N4BP3: variants seen among roughly 807,000 people sequenced by gnomAD.
N4BP3 encodes NEDD4-binding protein 3.
Under a neutral mutation model 43.8 loss-of-function variants are expected in N4BP3, and 33 were observed. That is an observed-to-expected ratio of 0.75 (90% CI 0.57 to 1.01). N4BP3 has a LOEUF of 1.01. Among genes scored for constraint, N4BP3 ranks in the 50% least tolerant of loss-of-function variants. N4BP3 has a pLI of 0.00. For missense variants in N4BP3, 756 were observed against 744.2 expected (o/e 1.02, Z -0.18); for synonymous variants, 326 against 321.9 (o/e 1.01, Z -0.14).
At chr5:178,116,370 C>A (rs1216107842) in intron 1 of N4BP3, among the ~76,000 whole-genome samples, 1 of 97,574 alleles carries the variant, frequency 1.0e-5, no homozygotes, top group Non-Finnish European at 2.1e-5. Flanking sequence ...CCCCGCCCTG[C>A]TGGGGGAGCT....
Position 178,121,217 on chromosome 5 carries a change from T to C in N4BP3, c.972T>C (p.Phe324=), listed in dbSNP as rs762481668. Residue 324 remains phenylalanine, a synonymous_variant, in exon 4 of 5, where the codon TTT becomes TTC. Transcript: ENST00000274605. ...AGCGCAACCTCCAGCTGCAGCTGTT[T>C]ATGGCTCAGCAGGAGCAGCGGCGCC... is the stretch of plus-strand genomic sequence containing the variant. ...RSERNLQLQL[F]MAQQEQRRLR... is the part of the protein sequence containing the mutation. 9.4e-6 allele frequency: 15 copies of C among 1,603,502 alleles called. No individual in the cohort carries two copies. Among genetic ancestry groups the C allele is most frequent in the African/African-American group, 6.7e-5 (5 of 74,902 alleles).
At position 178,125,069 on chromosome 5, in the gene N4BP3, G is replaced by A. The variant is rs1758025856; in HGVS notation, c.*3068G>A. 6.6e-6 allele frequency: 1 copy of A among 152,270 alleles called. No individual in the cohort carries two copies. The highest frequency in any genetic ancestry group is 1.5e-5 in the Non-Finnish European group (1 of 68,112). 9.4% of individuals were successfully genotyped at this position (152,270 alleles called of 1,614,324 possible). ...CTAGAATGGGTTTGAGCTTGGGGTGGGGTGGATGGGGAAGACTTACTCTGA... is the reference window on the plus strand; with the variant it reads ...CTAGAATGGGTTTGAGCTTGGGGTGAGGTGGATGGGGAAGACTTACTCTGA... On this transcript the variant is annotated 3_prime_UTR_variant, in exon 5 of 5. Coordinates refer to ENST00000274605, the MANE Select transcript of N4BP3 (RefSeq NM_015111.2).
chr5:178,119,111 G>A (rs1757843544), intron 1 of N4BP3, among the ~76,000 whole-genome samples: 1 of 152,184 alleles, frequency 6.6e-6, no homozygotes, highest in South Asian at 2.1e-4. Context: ...TGATCTGCCT[G>A]CCTTAGCCTC....
rs978309349 is a variant in N4BP3 at position 178,120,454 on chromosome 5, A to C, written c.607A>C (p.Thr203Pro). 2 of 1,612,954 alleles carry C rather than the reference A, an allele frequency of 1.2e-6. No homozygotes were observed. The highest frequency in any genetic ancestry group is 8.5e-7 in the Non-Finnish European group (1 of 1,179,970). ...SGGSFGRSPG[T>P]GPSPFSSSLG... ...GGGTAGTTTTGGTCGCAGTCCTGGTACTGGCCCTAGCCCCTTCAGCTCCTC... is the reference window on the plus strand; with the variant it reads ...GGGTAGTTTTGGTCGCAGTCCTGGTCCTGGCCCTAGCCCCTTCAGCTCCTC... The change falls in exon 3 of 5, where the codon ACT becomes CCT. Residue 203 changes from threonine (T) to proline (P), a missense_variant. Coordinates refer to ENST00000274605, the MANE Select transcript of N4BP3 (RefSeq NM_015111.2).
chr5:178,121,731 G>A lies in N4BP3; in HGVS notation c.1365G>A (p.Glu455=), dbSNP rs1405220880. Residue 455 remains glutamate, a synonymous_variant, in exon 5 of 5, where the codon GAG becomes GAA. Coordinates refer to ENST00000274605, the MANE Select transcript of N4BP3 (RefSeq NM_015111.2). ...DDCKSRGLLG[E]AGGSEARDSA... Reference sequence around the variant, plus strand: ...GCAAGAGCAGGGGCCTGCTAGGGGAGGCAGGAGGCAGCGAGGCCAGAGACA... The same window carrying A: ...GCAAGAGCAGGGGCCTGCTAGGGGAAGCAGGAGGCAGCGAGGCCAGAGACA... 6.8e-6 allele frequency: 11 copies of A among 1,608,216 alleles called. No homozygotes were observed. In the Admixed American group the frequency reaches 1.7e-4, roughly 24 times the overall value.
At chr5:178,120,987 G>C in intron 3 of N4BP3, 111 bp from the exon 4 acceptor site, 3 of 1,390,938 alleles carry the variant, frequency 2.2e-6, no homozygotes, top group Non-Finnish European at 2.9e-6. Context: ...GTGTGGCTGG[G>C]TCCTGTGGTG....
chr5:178,123,206 A>G lies in N4BP3; in HGVS notation c.*1205A>G, dbSNP rs1397777070. ...CCCCGCTGGGTGCCCGGCCTGGAAC[A>G]CAGGTTCTGTCTGGCTGTGTGAGTG... On this transcript the variant is annotated 3_prime_UTR_variant, in exon 5 of 5. Coordinates refer to ENST00000274605, the MANE Select transcript of N4BP3 (RefSeq NM_015111.2). The G allele has an allele frequency of 6.6e-6, 1 of 152,346 alleles. No individual in the cohort carries two copies. The highest frequency in any genetic ancestry group is 1.5e-5 in the Non-Finnish European group (1 of 68,168). The allele number at this position is 152,346 out of a possible 1,614,324, so 9.4% of individuals were successfully genotyped here. A position where few individuals can be genotyped will look rare whatever the true frequency, so the allele number is the denominator to read the frequency against.
Position 178,122,039 on chromosome 5 carries a change from A to G in N4BP3, c.*38A>G. Reference sequence around the variant, plus strand: ...GAGCTGACAGCAGCAACACTGTCAGAAGGTGCCCTGAGACGGCCGGCTCAG... The same window carrying G: ...GAGCTGACAGCAGCAACACTGTCAGGAGGTGCCCTGAGACGGCCGGCTCAG... On this transcript the variant is annotated 3_prime_UTR_variant, in exon 5 of 5. Coordinates refer to ENST00000274605, the MANE Select transcript of N4BP3 (RefSeq NM_015111.2). 2 of 1,542,638 alleles carry G rather than the reference A, an allele frequency of 1.3e-6. No individual in the cohort carries two copies. Among genetic ancestry groups the G allele is most frequent in the Non-Finnish European group, 1.7e-6 (2 of 1,146,836 alleles).
At chr5:178,126,245 C>G (rs1758062420), downstream of N4BP3, among the ~76,000 whole-genome samples, 1 of 150,350 alleles carries the variant, frequency 6.7e-6, no homozygotes, top group African/African-American at 2.5e-5. Context: ...GTGGCGTGAC[C>G]TCAGCTCACT....
rs577395698 is a variant in N4BP3, at chr5:178,118,940, A to T, written c.-30-614A>T. ...GAGTGCAGTGGTGCGATCTCGGCTC[A>T]CTGCAAGCTCTGCCTCCCAGGTTCA... On this transcript the variant is annotated intron_variant, in intron 1 of 4. Coordinates refer to ENST00000274605, the MANE Select transcript of N4BP3 (RefSeq NM_015111.2). This position sits in a 1 kb window ranked among gnomAD's most constrained non-coding sequence, Gnocchi z 5.4. Among the ~76,000 whole-genome samples, 43 of 147,386 alleles carry T rather than the reference A, an allele frequency of 2.9e-4. No individual in the cohort carries two copies. The highest frequency in any genetic ancestry group is 9.6e-4 in the African/African-American group (38 of 39,638).
rs1757945064 is a variant in N4BP3 at position 178,122,055 on chromosome 5, GC to G, written c.*56del. ...CACTGTCAGAAGGTGCCCTGAGACG[GC>G]CGGCTCAGCCTTCCCTTGCACTGGT... On this transcript the variant is annotated 3_prime_UTR_variant, in exon 5 of 5. Coordinates refer to ENST00000274605, the MANE Select transcript of N4BP3 (RefSeq NM_015111.2). The G allele has an allele frequency of 9.3e-6, 14 of 1,506,964 alleles. No homozygotes were observed. In the Admixed American group the frequency reaches 3.2e-4, roughly 34 times the overall value. The allele number at this position is 1,506,964 out of a possible 1,614,324, so 93.3% of individuals were successfully genotyped here.
intron 1 of N4BP3, among the ~76,000 whole-genome samples, chr5:178,117,987 G>A (rs1757811690): frequency 6.6e-6 from 1 of 152,184 alleles, no homozygotes; most frequent in Non-Finnish European, 1.5e-5. Context: ...GGCAGGAGTG[G>A]GTGCCCGGAA....
chr5:178,117,802 C>T lies in N4BP3; in HGVS notation c.-30-1752C>T, dbSNP rs112937991. ...TGGGTGGGGTGTGCAAACCCGGATT[C>T]GCCCCATCCTGGGTTTGGGGGTTGG... On this transcript the variant is annotated intron_variant, in intron 1 of 4. Coordinates refer to ENST00000274605, the MANE Select transcript of N4BP3 (RefSeq NM_015111.2). 7.4e-3 allele frequency among the ~76,000 whole-genome samples: 1,128 copies of T among 151,848 alleles called. 20 individuals are homozygous for T. The highest frequency in any genetic ancestry group is 0.026 in the African/African-American group (1,064 of 41,376).
At chr5:178,116,760 G>A (rs1020021531) in intron 1 of N4BP3, among the ~76,000 whole-genome samples, 2 of 152,174 alleles carry the variant, frequency 1.3e-5, no homozygotes, top group African/African-American at 4.8e-5. Context: ...CTGGGGGTCG[G>A]TTATCTCCTC....
Position 178,121,593 on chromosome 5 carries a change from G to C in N4BP3, c.1227G>C (p.Arg409=), listed in dbSNP as rs772588209. 8 of 1,613,266 alleles carry C rather than the reference G, an allele frequency of 5.0e-6. No homozygotes were observed. In the African/African-American group the frequency reaches 8.0e-5, roughly 16 times the overall value. Reference sequence around the variant, plus strand: ...TGAAGACACAACTTCGGGGCAGCCGGGCACAAGCCCAGGCTCAGGACGCAG... The same window carrying C: ...TGAAGACACAACTTCGGGGCAGCCGCGCACAAGCCCAGGCTCAGGACGCAG... The part of the protein sequence containing the change: ...FSLKTQLRGS[R]AQAQAQDAEL... The change falls in exon 5 of 5, where the codon CGG becomes CGC. Residue 409 remains arginine, a synonymous_variant. Coordinates refer to ENST00000274605, the MANE Select transcript of N4BP3 (RefSeq NM_015111.2).
rs1757994567 is a variant in N4BP3, at chr5:178,124,098, A to G, written c.*2097A>G. On this transcript the variant is annotated 3_prime_UTR_variant, in exon 5 of 5. Coordinates refer to ENST00000274605, the MANE Select transcript of N4BP3 (RefSeq NM_015111.2). ...GGCCCCTCAGAGCCAGGTGCTGGCC[A>G]GATGCCTTGATCACAGCCTCCATGG... 6.5e-6 allele frequency: 1 copy of G among 152,776 alleles called. No homozygotes were observed. The highest frequency in any genetic ancestry group is 2.1e-4 in the South Asian group (1 of 4,836). 9.5% of individuals were successfully genotyped at this position (152,776 alleles called of 1,614,324 possible). A position where few individuals can be genotyped will look rare whatever the true frequency, so the allele number is the denominator to read the frequency against.
At chr5:178,114,939 C>G (rs1305076707) in intron 1 of N4BP3, among the ~76,000 whole-genome samples, 1 of 152,184 alleles carries the variant, frequency 6.6e-6, no homozygotes, top group Non-Finnish European at 1.5e-5. Flanking sequence ...AATACATACA[C>G]AGCAGTGTGT....
intron 3 of N4BP3, 25 bp downstream of exon 3, chr5:178,120,724 C>G (rs1197162140): frequency 6.4e-7 from 1 of 1,550,956 alleles, no homozygotes; most frequent in East Asian, 2.3e-5. Flanking sequence ...GCCCTGGAGT[C>G]CTGTTCTGTG....
In N4BP3 at chr5:178,120,396, G is replaced by A; in HGVS notation, c.549G>A (p.Glu183=). 6.2e-7 allele frequency: 1 copy of A among 1,612,858 alleles called. No homozygotes were observed. Among genetic ancestry groups the A allele is most frequent in the South Asian group, 1.1e-5 (1 of 91,086 alleles). ...TCAGCCTAGATGAGGGCGGCCCTGAGCCCGAGCCCAGCCTGTCCGACTCCT... is the reference window on the plus strand; with the variant it reads ...TCAGCCTAGATGAGGGCGGCCCTGAACCCGAGCCCAGCCTGTCCGACTCCT... ...HALSLDEGGP[E]PEPSLSDSSS... The change falls in exon 3 of 5, where the codon GAG becomes GAA. Residue 183 remains glutamate, a synonymous_variant. Transcript: ENST00000274605.
Sources: gnomAD v4.1 joint callset for allele counts (sites outside exome capture counted in the v4.1 genomes callset) on GRCh38, gnomAD v4.1.1 for gene constraint, Gnocchi (gnomAD v3.1) non-coding constraint, MANE v1.5 for transcripts, NCBI Gene and HGNC (gene_info 2026-07-23, HGNC 2026-07-21) for gene names.